Variants in CBARP observed in about 807,000 individuals in gnomAD.
CBARP encodes CACN subunit beta associated regulatory protein.
CBARP carries 24 observed loss-of-function variants against 36.3 expected under a neutral mutation model. The ratio of observed to expected loss-of-function variants is 0.66; its 90% CI spans 0.48 to 0.93. CBARP has a LOEUF of 0.93. CBARP is among the 40% of genes least tolerant of loss of function. The pLI is 0.00. For missense variants in CBARP, 1,146 were observed against 980.4 expected (o/e 1.17, Z -2.26); for synonymous variants, 586 against 453.2 (o/e 1.29, Z -3.72).
At chr19:1,234,933 C>T (rs2080944719) in intron 5 of CBARP, 68 bp downstream of exon 5, 1 of 1,544,872 alleles carries the variant, frequency 6.5e-7, no homozygotes, top group African/African-American at 1.4e-5. Flanking sequence ...GCACCCAGCT[C>T]CTCCCCCGTC....
Position 1,229,163 on chromosome 19 carries a change from G to T in CBARP, c.*16C>A. ...GCCGGAGAAGCTGCCAGAGAGATGG[G>T]CCCAGGACGCGGGACTTAGGCCGGG... On this transcript the variant is annotated 3_prime_UTR_variant, in exon 10 of 10. Transcript: ENST00000650044. The surrounding 1 kb of genome is among the most constrained non-coding windows in gnomAD (Gnocchi z 5.1). 1 of 1,077,228 alleles carries T rather than the reference G, an allele frequency of 9.3e-7. No homozygotes were observed. Among genetic ancestry groups the T allele is most frequent in the Non-Finnish European group, 1.2e-6 (1 of 864,778 alleles). 66.7% of individuals were successfully genotyped at this position (1,077,228 alleles called of 1,614,324 possible). A position where few individuals can be genotyped will look rare whatever the true frequency, so the allele number is the denominator to read the frequency against.
chr19:1,231,043 C>A (rs75463186), intron 9 of CBARP, 58 bp downstream of exon 9: 30 of 1,554,866 alleles, frequency 1.9e-5, no homozygotes, highest in Non-Finnish European at 1.4e-5. Flanking sequence ...TAGGGGGGGG[C>A]GAAGGGGGGC....
In CBARP at chr19:1,235,820, G is replaced by A. The variant is rs145691287; in HGVS notation, c.204C>T (p.Leu68=). 1.7e-3 allele frequency: 2,708 copies of A among 1,610,386 alleles called. 15 individuals carry two copies. The highest frequency in any genetic ancestry group is 0.014 in the African/African-American group (1,028 of 75,038). ...GTLVVLSGVL[L]LCKRCWDVHQ... is the part of the protein sequence containing the mutation. ...GGACGTCCCAGCAGCGCTTGCAGAG[G>A]AGCAGGACGCCAGACAACACCACCA... Residue 68 remains leucine (L), a synonymous_variant, in exon 3 of 10, where the codon CTC becomes CTT. Coordinates refer to ENST00000650044, the MANE Select transcript of CBARP (RefSeq NM_001393918.1).
chr19:1,231,388 G>A (rs1291027927), intron 8 of CBARP, 113 bp from the exon 9 acceptor site: 22 of 1,310,980 alleles, frequency 1.7e-5, no homozygotes, highest in Middle Eastern at 2.8e-4. Flanking sequence ...GTGCCCCCCC[G>A]CCACACACAA....
rs1235909313 is a variant in CBARP, at chr19:1,232,271, G to A, written c.980-996C>T. On this transcript the variant is annotated intron_variant, in intron 8 of 9. Transcript: ENST00000650044. ...TCTCAGCTGGAGCGGGGCAGCCAGAGGAGGCCTTCCCCTCCCTGGCCCCTA... is the reference window on the plus strand; with the variant it reads ...TCTCAGCTGGAGCGGGGCAGCCAGAAGAGGCCTTCCCCTCCCTGGCCCCTA... Among the ~76,000 whole-genome samples, 21 of 152,258 alleles carry A rather than the reference G, an allele frequency of 1.4e-4. No individual in the cohort carries two copies. The South Asian group carries it at 3.7e-3, about 27-fold the overall frequency.
rs763053321 is a variant in CBARP, at chr19:1,229,692, G to T, written c.1605C>A (p.Arg535=). The T allele has an allele frequency of 4.5e-3, 4,724 of 1,053,050 alleles. 11 individuals carry two copies. The highest frequency in any genetic ancestry group is 5.2e-3 in the Non-Finnish European group (4,497 of 864,364). The allele number at this position is 1,053,050 out of a possible 1,614,324, so 65.2% of individuals were successfully genotyped here. The change falls in exon 10 of 10, where the codon CGC becomes CGA. Residue 535 remains arginine (R), a synonymous_variant. Transcript: ENST00000650044. The surrounding 1 kb of genome is among the most constrained non-coding windows in gnomAD (Gnocchi z 5.1). ...CGTCGATGCTGTAGTCGCGGCGCGG[G>T]CGGCGGGGCCAGGCGCGCGGGCTGC... is the stretch of plus-strand genomic sequence containing the variant. ...RPRSPRAWPR[R]PRRDYSIDEK...
chr19:1,230,902 C>T, intron 9 of CBARP, 199 bp downstream of exon 9: 1 of 1,566,416 alleles, frequency 6.4e-7, no homozygotes, highest in Non-Finnish European at 8.7e-7. Context: ...CTTACCCAGT[C>T]TCTCCCTGCT....
rs1568748797 is a variant in CBARP, at chr19:1,236,081, ATGGTGGCTG to A, written c.11_19del (p.Thr4_Thr6del). 1 of 1,493,530 alleles carries A rather than the reference ATGGTGGCTG, an allele frequency of 6.7e-7. No homozygotes were observed. Among genetic ancestry groups the A allele is most frequent in the Admixed American group, 2.3e-5 (1 of 43,536 alleles). The allele number at this position is 1,493,530 out of a possible 1,614,324, so 92.5% of individuals were successfully genotyped here. A position where few individuals can be genotyped will look rare whatever the true frequency, so the allele number is the denominator to read the frequency against. On this transcript the variant is annotated inframe_deletion, in exon 2 of 10. Coordinates refer to ENST00000650044, the MANE Select transcript of CBARP (RefSeq NM_001393918.1). ...GGTGGTGGTGGTGGCGGCTGTGGCC[ATGGTGGCTG>A]TGGGCTGCATTCTGAACTGGGGAGG... is the stretch of plus-strand genomic sequence containing the variant.
Position 1,229,678 on chromosome 19 carries a change from T to A in CBARP, c.1619A>T (p.Tyr540Phe). The A allele has an allele frequency of 9.1e-7, 1 of 1,094,860 alleles. No homozygotes were observed. 67.8% of individuals were successfully genotyped at this position (1,094,860 alleles called of 1,614,324 possible). ...CGCGTCCGTCTTCTCGTCGATGCTG[T>A]AGTCGCGGCGCGGGCGGCGGGGCCA... Reference protein sequence around the residue: ...RAWPRRPRRDYSIDEKTDALF... With the variant: ...RAWPRRPRRDFSIDEKTDALF... Residue 540 changes from tyrosine (Y) to phenylalanine (F), a missense_variant, in exon 10 of 10, where the codon TAC becomes TTC. Transcript: ENST00000650044. The surrounding 1 kb of genome is among the most constrained non-coding windows in gnomAD (Gnocchi z 5.1).
Position 1,229,633 on chromosome 19 carries a change from C to A in CBARP, c.1664G>T (p.Arg555Leu). 1 of 1,199,636 alleles carries A rather than the reference C, an allele frequency of 8.3e-7. No homozygotes were observed. Among genetic ancestry groups the A allele is most frequent in the Admixed American group, 3.4e-5 (1 of 29,454 alleles). The allele number at this position is 1,199,636 out of a possible 1,614,324, so 74.3% of individuals were successfully genotyped here. A position where few individuals can be genotyped will look rare whatever the true frequency, so the allele number is the denominator to read the frequency against. ...KTDALFHEFL[R>L]HDPHFDDTPA... Reference sequence around the variant, plus strand: ...CGTGTCGTCGAAGTGCGGGTCGTGGCGCAGGAACTCGTGGAACAGCGCGTC... The same window carrying A: ...CGTGTCGTCGAAGTGCGGGTCGTGGAGCAGGAACTCGTGGAACAGCGCGTC... The change falls in exon 10 of 10, where the codon CGC becomes CTC. Residue 555 changes from arginine to leucine, a missense_variant. Arg to Leu is a moderately radical substitution (Grantham distance 102). Coordinates refer to ENST00000650044, the MANE Select transcript of CBARP (RefSeq NM_001393918.1). The surrounding 1 kb of genome is among the most constrained non-coding windows in gnomAD (Gnocchi z 5.1).
In CBARP at chr19:1,229,262, G is replaced by A; in HGVS notation, c.2035C>T (p.Pro679Ser). ...ACGACGGGCTCGGCGAGGCGCGGCG[G>A]AAAGAGTCTCTCGTCGAGGCCAGCC... ...LAAGLDERLF[P>S]PRLAEPVVAT... is the part of the protein sequence containing the mutation. The change falls in exon 10 of 10, where the codon CCG (proline) becomes TCG (serine). Residue 679 changes from proline (P) to serine (S), a missense_variant. Transcript: ENST00000650044. This position sits in a 1 kb window ranked among gnomAD's most constrained non-coding sequence, Gnocchi z 5.1. 1 of 1,249,992 alleles carries A rather than the reference G, an allele frequency of 8.0e-7. No homozygotes were observed. 77.4% of individuals were successfully genotyped at this position (1,249,992 alleles called of 1,614,324 possible). A position where few individuals can be genotyped will look rare whatever the true frequency, so the allele number is the denominator to read the frequency against.
chr19:1,235,200 G>A, intron 4 of CBARP, 55 bp from the exon 5 acceptor site: 1 of 1,435,772 alleles, frequency 7.0e-7, no homozygotes, highest in Non-Finnish European at 9.2e-7. Context: ...CAGGCGCCTG[G>A]TCCCGGGAGG....
chr19:1,231,003 CGG>C, intron 9 of CBARP, 96 bp downstream of exon 9: 2 of 1,546,808 alleles, frequency 1.3e-6, no homozygotes, highest in Non-Finnish European at 1.7e-6. Flanking sequence ...CGCGTGTCCA[CGG>C]GGCCTGGAGA....
intron 9 of CBARP, chr19:1,230,524 T>G: frequency 1.9e-6 from 2 of 1,033,660 alleles, no homozygotes; most frequent in Non-Finnish European, 2.3e-6. Flanking sequence ...TGCTCCAGGC[T>G]AGGGCTCTCT....
chr19:1,234,829 TGGGCAG>T, intron 5 of CBARP, 87 bp from the exon 6 acceptor site: 1 of 1,535,120 alleles, frequency 6.5e-7, no homozygotes, highest in Non-Finnish European at 8.8e-7. Flanking sequence ...CCTGCCGGCC[TGGGCAG>T]GGGCAGGCGA....
chr19:1,231,029 C>A, intron 9 of CBARP, 72 bp downstream of exon 9: 2 of 1,547,400 alleles, frequency 1.3e-6, no homozygotes, highest in Non-Finnish European at 8.7e-7. Context: ...CTCCCTGGGC[C>A]GCCTAGGGGG....
intron 4 of CBARP, 144 bp from the exon 5 acceptor site, chr19:1,235,289 C>T (rs548262719): frequency 4.6e-6 from 5 of 1,086,484 alleles, no homozygotes; most frequent in Admixed American, 3.9e-5. Context: ...GAGGGACACT[C>T]GTCCATCCGC....
In CBARP at chr19:1,228,759, C is replaced by T. The variant is rs1344410092; in HGVS notation, c.*420G>A. On this transcript the variant is annotated 3_prime_UTR_variant, in exon 10 of 10. Transcript: ENST00000650044. ...CGAGCTCGCGCACGCGCCCGGCACGCGGCGGCTCCATCGGGCCCAGTGGGC... is the reference window on the plus strand; with the variant it reads ...CGAGCTCGCGCACGCGCCCGGCACGTGGCGGCTCCATCGGGCCCAGTGGGC... 1.4e-5 allele frequency: 2 copies of T among 145,488 alleles called. No homozygotes were observed. Among genetic ancestry groups the T allele is most frequent in the Admixed American group, 6.8e-5 (1 of 14,808 alleles). 9.0% of individuals were successfully genotyped at this position (145,488 alleles called of 1,614,324 possible).
intron 3 of CBARP, 88 bp downstream of exon 3, chr19:1,235,691 A>T: frequency 6.3e-7 from 1 of 1,598,478 alleles, no homozygotes. Context: ...CCACCCTGTG[A>T]CTCAGAAGCC....
Sources: gnomAD v4.1 joint callset for allele counts (sites outside exome capture counted in the v4.1 genomes callset) on GRCh38, gnomAD v4.1.1 for gene constraint, Gnocchi (gnomAD v3.1) non-coding constraint, MANE v1.5 for transcripts, NCBI Gene and HGNC (gene_info 2026-07-23, HGNC 2026-07-21) for gene names.